Variants in NLGN1 observed in about 807,000 individuals in gnomAD.
NLGN1 encodes the protein neuroligin-1.
NLGN1 carries 12 observed loss-of-function variants against 65.5 expected under a neutral mutation model. The observed-to-expected ratio is 0.18, with a 90% CI of 0.12 to 0.30. The LOEUF (loss-of-function observed/expected upper bound fraction) is 0.30, where lower values mean the gene tolerates loss of function less well. NLGN1 is among the 10% of genes least tolerant of loss of function. The probability of loss-of-function intolerance (pLI) is 1.00; values close to 1 mark genes in which losing one functional copy is unlikely to be tolerated. For missense variants in NLGN1, 750 were observed against 1,007.1 expected (o/e 0.74, Z 3.46); for synonymous variants, 350 against 359.5 (o/e 0.97, Z 0.30).
At chr3:174,261,206 T>A (rs1420656065) in intron 4 of NLGN1, among the ~76,000 whole-genome samples, 1 of 151,866 alleles carries the variant, frequency 6.6e-6, no homozygotes, top group East Asian at 2.0e-4. Flanking sequence ...AAGTAGTTTT[T>A]TCCAATTCTG....
intron 4 of NLGN1, among the ~76,000 whole-genome samples, chr3:173,957,560 C>CTAAACAA (rs1200081930): frequency 6.6e-6 from 1 of 152,112 alleles, no homozygotes; most frequent in Non-Finnish European, 1.5e-5. Context: ...ATTTAGACTC[C>CTAAACAA]TAAACAATAA....
intron 4 of NLGN1, among the ~76,000 whole-genome samples, chr3:174,029,760 C>G (rs891805050): frequency 3.9e-5 from 6 of 152,090 alleles, no homozygotes; most frequent in African/African-American, 1.4e-4. Flanking sequence ...GTGGTTTCCC[C>G]CATGCTGTTC....
rs111557619 is a variant in NLGN1 at position 173,796,753 on chromosome 3, C to A, written c.494-10927C>A. On this transcript the variant is annotated intron_variant, in intron 3 of 6. Transcript: ENST00000457714. ...ATTTAAACTGCTTGTATTGAAAATG[C>A]AGTATTTGTTGTTTAAAAGAAGCAT... 4.5e-3 allele frequency among the ~76,000 whole-genome samples: 690 copies of A among 152,060 alleles called. 6 individuals are homozygous for A. Among genetic ancestry groups the A allele is most frequent in the African/African-American group, 0.016 (649 of 41,470 alleles).
chr3:174,156,222 T>C (rs895742067), intron 4 of NLGN1, among the ~76,000 whole-genome samples: 6 of 151,926 alleles, frequency 3.9e-5, no homozygotes, highest in African/African-American at 1.4e-4. Context: ...ACTTTAGGAA[T>C]ACCATTTAAG....
intron 4 of NLGN1, among the ~76,000 whole-genome samples, chr3:173,963,086 T>C (rs1160400449): frequency 6.6e-6 from 1 of 152,168 alleles, no homozygotes; most frequent in African/African-American, 2.4e-5. Flanking sequence ...TATTACACTC[T>C]TGCTGTGTTC....
At chr3:174,213,581 G>A (rs949397356) in intron 4 of NLGN1, among the ~76,000 whole-genome samples, 3 of 152,076 alleles carry the variant, frequency 2.0e-5, no homozygotes, top group African/African-American at 7.2e-5. Context: ...TTTTCTACCA[G>A]GCAGAAATCT....
At chr3:174,114,478 A>G (rs1185684861) in intron 4 of NLGN1, among the ~76,000 whole-genome samples, 1 of 152,168 alleles carries the variant, frequency 6.6e-6, no homozygotes, top group East Asian at 1.9e-4. Context: ...AATATTGTAA[A>G]ATGGATGCGT....
chr3:173,577,569 A>G (rs141109254), intron 2 of NLGN1, among the ~76,000 whole-genome samples: 312 of 152,332 alleles, frequency 2.0e-3, no homozygotes, highest in African/African-American at 7.3e-3. Flanking sequence ...ATAGAAGAGG[A>G]CACAAGAAAA....
intron 2 of NLGN1, among the ~76,000 whole-genome samples, chr3:173,581,773 A>G (rs914606045): frequency 1.9e-4 from 29 of 151,982 alleles, no homozygotes; most frequent in African/African-American, 6.3e-4. Flanking sequence ...ATTTTATAAT[A>G]TGGTAAAGAT....
chr3:173,793,149 A>G (rs371447845), intron 3 of NLGN1, among the ~76,000 whole-genome samples: 15 of 152,254 alleles, frequency 9.9e-5, no homozygotes, highest in African/African-American at 3.1e-4. Flanking sequence ...TACAACTTCA[A>G]AAAACCCATT....
chr3:174,078,854 C>G (rs1042686295), intron 4 of NLGN1, among the ~76,000 whole-genome samples: 1 of 152,178 alleles, frequency 6.6e-6, no homozygotes, highest in African/African-American at 2.4e-5. Flanking sequence ...TTGCAACTTA[C>G]TACTCTGGGA....
At chr3:173,481,969 T>G (rs543514171) in intron 2 of NLGN1, among the ~76,000 whole-genome samples, 1 of 152,132 alleles carries the variant, frequency 6.6e-6, no homozygotes, top group South Asian at 2.1e-4. Context: ...GTTATTCATT[T>G]GTGTTTCTTT....
At chr3:174,166,452 C>T (rs939100727) in intron 4 of NLGN1, among the ~76,000 whole-genome samples, 8 of 151,556 alleles carry the variant, frequency 5.3e-5, no homozygotes, top group Admixed American at 1.3e-4. Context: ...TTTACCCAAA[C>T]GGATTAAGTT....
intron 4 of NLGN1, among the ~76,000 whole-genome samples, chr3:174,254,881 T>A (rs1745395960): frequency 6.6e-6 from 1 of 152,194 alleles, no homozygotes; most frequent in South Asian, 2.1e-4. Flanking sequence ...TAAAAAGAAA[T>A]CATTAACTAA....
chr3:174,098,297 G>A (rs1157533264), intron 4 of NLGN1, among the ~76,000 whole-genome samples: 3 of 151,958 alleles, frequency 2.0e-5, no homozygotes, highest in Non-Finnish European at 4.4e-5. Context: ...TTGTAATTCA[G>A]TTTGTGCAAA....
intron 3 of NLGN1, among the ~76,000 whole-genome samples, chr3:173,661,936 A>G (rs1038014193): frequency 3.3e-5 from 5 of 152,036 alleles, no homozygotes; most frequent in Non-Finnish European, 7.4e-5. Flanking sequence ...GAATCAGACC[A>G]CAGCAGGACT....
intron 4 of NLGN1, among the ~76,000 whole-genome samples, chr3:174,002,835 C>T (rs956024318): frequency 3.9e-5 from 6 of 152,202 alleles, no homozygotes; most frequent in African/African-American, 1.4e-4. Flanking sequence ...TTGTTAGGGT[C>T]AGGCAGCTGC....
chr3:173,763,471 T>A (rs1778303441), intron 3 of NLGN1, among the ~76,000 whole-genome samples: 1 of 152,172 alleles, frequency 6.6e-6, no homozygotes, highest in Non-Finnish European at 1.5e-5. Flanking sequence ...GATTTGGGTT[T>A]ACTTTTTGTA....
At chr3:173,723,241 A>G (rs953074627) in intron 3 of NLGN1, among the ~76,000 whole-genome samples, 1 of 152,202 alleles carries the variant, frequency 6.6e-6, no homozygotes, top group African/African-American at 2.4e-5. Context: ...CATTATAAGG[A>G]TTGGCTTTTA....
Sources: gnomAD v4.1 joint callset for allele counts (sites outside exome capture counted in the v4.1 genomes callset) on GRCh38, gnomAD v4.1.1 for gene constraint, MANE v1.5 for transcripts, NCBI Gene and HGNC (gene_info 2026-07-23, HGNC 2026-07-21) for gene names.